CAPN5: variants seen among roughly 807,000 people sequenced by gnomAD.
The protein encoded by CAPN5 is calpain-5.
In CAPN5, 54 loss-of-function variants were observed where a neutral mutation model predicts 73.0. That is an observed-to-expected ratio of 0.74 (90% confidence interval 0.59 to 0.93). The LOEUF is 0.93. Ranked by LOEUF, CAPN5 falls within the 40% of genes least tolerant of loss-of-function variation. The probability of loss-of-function intolerance (pLI) is 0.00; values close to 1 mark genes in which losing one functional copy is unlikely to be tolerated. For missense variants in CAPN5, 785 were observed against 882.9 expected, an observed-to-expected ratio of 0.89 and a Z score of 1.41; for synonymous variants, 335 against 356.9, an observed-to-expected ratio of 0.94 and a Z score of 0.69.
intron 6 of CAPN5, 91 bp from the exon 7 acceptor site, chr11:77,116,135 C>A: frequency 3.4e-6 from 4 of 1,174,572 alleles, no homozygotes; most frequent in Admixed American, 2.0e-5. Flanking sequence ...TGCAAGACTG[C>A]CCCTCGTGCC....
Position 77,115,573 on chromosome 11 carries a change from G to A in CAPN5, c.878G>A (p.Gly293Glu). 2 of 1,609,454 alleles carry A rather than the reference G, an allele frequency of 1.2e-6. No individual in the cohort carries two copies. Among genetic ancestry groups the A allele is most frequent in the Non-Finnish European group, 1.7e-6 (2 of 1,177,528 alleles). The change falls in exon 6 of 13, where the codon GGG (glycine) becomes GAG (glutamate). Residue 293 changes from glycine (G) to glutamate (E), a missense_variant. Transcript: ENST00000648180. Reference sequence around the variant, plus strand: ...CCCTGGGGCGAGCGGGAGTGGAACGGGCCCTGGAGTGACACGTGAGGCCTG... The same window carrying A: ...CCCTGGGGCGAGCGGGAGTGGAACGAGCCCTGGAGTGACACGTGAGGCCTG... ...RNPWGEREWN[G>E]PWSDTSEEWQ...
rs781796639 is a variant in CAPN5, at chr11:77,123,787, G to C, written c.1840G>C (p.Asp614His). Residue 614 changes from aspartate (D) to histidine (H), a missense_variant, in exon 13 of 13, where the codon GAC becomes CAC. By Grantham distance (81) the Asp-to-His change is moderately conservative (BLOSUM62 -1). Coordinates refer to ENST00000648180, the MANE Select transcript of CAPN5 (RefSeq NM_004055.5). ...GGCCCTGCATACCCTCCACCTCCGG[G>C]ACCGAAATAGCCGGCAGCCCAGCAA... ...LQALHTLHLR[D>H]RNSRQPSNLP... The C allele has an allele frequency of 2.3e-5, 37 of 1,613,866 alleles. No individual in the cohort carries two copies. Among genetic ancestry groups the C allele is most frequent in the Non-Finnish European group, 3.0e-5 (35 of 1,180,014 alleles).
chr11:77,111,257 C>T (rs1950407550), intron 3 of CAPN5, among the ~76,000 whole-genome samples: 1 of 152,150 alleles, frequency 6.6e-6, no homozygotes, highest in East Asian at 1.9e-4. Context: ...ACCTGGTTGT[C>T]AGTGTCCAGC....
In CAPN5 at chr11:77,118,173, G is replaced by A. The variant is rs782459893; in HGVS notation, c.988G>A (p.Val330Met). 19 of 1,612,720 alleles carry A rather than the reference G, an allele frequency of 1.2e-5. No individual in the cohort carries two copies. The highest frequency in any genetic ancestry group is 4.5e-5 in the East Asian group (2 of 44,834). Residue 330 changes from valine (V) to methionine (M), a missense_variant, in exon 8 of 13, where the codon GTG becomes ATG. By Grantham distance (21) the Val-to-Met change is conservative. Coordinates refer to ENST00000648180, the MANE Select transcript of CAPN5 (RefSeq NM_004055.5). ...CACATCCAGGATGACCTTCGAGGAC[G>A]TGTGCCGGTACTTCACGGACATCAT... Reference protein sequence around the residue: ...DGEFWMTFEDVCRYFTDIIKC... With the variant: ...DGEFWMTFEDMCRYFTDIIKC...
rs782089468 is a variant in CAPN5, at chr11:77,118,248, G to C, written c.1063G>C (p.Glu355Gln). The C allele has an allele frequency of 6.2e-7, 1 of 1,614,162 alleles. No homozygotes were observed. Among genetic ancestry groups the C allele is most frequent in the South Asian group, 1.1e-5 (1 of 91,084 alleles). Residue 355 changes from glutamate to glutamine, a missense_variant, in exon 8 of 13, where the codon GAG (glutamate) becomes CAG (glutamine). Physicochemically the swap from Glu to Gln is conservative, Grantham distance 29. Transcript: ENST00000648180. ...TSHLSIHKTW[E>Q]EARLHGAWTL... ...CCACCTGAGCATCCACAAGACGTGG[G>C]AGGAGGCCCGGCTGCATGGCGCCTG...
chr11:77,072,622 G>A (rs1300364622), intron 1 of CAPN5, among the ~76,000 whole-genome samples: 2 of 152,200 alleles, frequency 1.3e-5, no homozygotes, highest in African/African-American at 4.8e-5. Context: ...TTTCCCCTCA[G>A]AGCCTCTGTC....
chr11:77,070,293 C>G (rs1264567368), intron 1 of CAPN5, among the ~76,000 whole-genome samples: 1 of 152,212 alleles, frequency 6.6e-6, no homozygotes, highest in East Asian at 1.9e-4. Context: ...CCACTGGTCC[C>G]CAGCTGCCCT....
chr11:77,115,612 A>G (rs782810668), intron 6 of CAPN5, 24 bp downstream of exon 6: 1 of 1,592,794 alleles, frequency 6.3e-7, no homozygotes, highest in Admixed American at 1.7e-5. Flanking sequence ...ATGGGGGTGC[A>G]GGCACAGGGC....
At chr11:77,071,781 GC>G in intron 1 of CAPN5, 1 of 397,330 alleles carries the variant, frequency 2.5e-6, no homozygotes, top group Non-Finnish European at 5.3e-6. Flanking sequence ...GGTTGCCATG[GC>G]CAGGAATAGG....
chr11:77,071,817 G>A (rs1278054573), intron 1 of CAPN5: 2 of 320,338 alleles, frequency 6.2e-6, no homozygotes, highest in African/African-American at 4.3e-5. Flanking sequence ...AGTGCAGTGG[G>A]CCTGGAAGTG....
chr11:77,118,242 A>T lies in CAPN5; in HGVS notation c.1057A>T (p.Thr353Ser). The T allele has an allele frequency of 1.2e-6, 2 of 1,614,100 alleles. No individual in the cohort carries two copies. Among genetic ancestry groups the T allele is most frequent in the Non-Finnish European group, 1.7e-6 (2 of 1,180,016 alleles). Residue 353 changes from threonine (T) to serine (S), a missense_variant, in exon 8 of 13, where the codon ACG becomes TCG. Coordinates refer to ENST00000648180, the MANE Select transcript of CAPN5 (RefSeq NM_004055.5). ...INTSHLSIHKTWEEARLHGAW... is the reference protein window; with the variant it reads ...INTSHLSIHKSWEEARLHGAW... Reference sequence around the variant, plus strand: ...CACATCCCACCTGAGCATCCACAAGACGTGGGAGGAGGCCCGGCTGCATGG... The same window carrying T: ...CACATCCCACCTGAGCATCCACAAGTCGTGGGAGGAGGCCCGGCTGCATGG...
At chr11:77,098,046 G>A (rs1591128324) in intron 3 of CAPN5, among the ~76,000 whole-genome samples, 2 of 89,960 alleles carry the variant, frequency 2.2e-5, no homozygotes, top group African/African-American at 6.0e-5. Context: ...AGTAGGGGCG[G>A]CCGGGCAGAG....
Position 77,088,136 on chromosome 11 carries a change from G to A in CAPN5, c.165+3085G>A, listed in dbSNP as rs1555035891. The A allele has an allele frequency of 5.6e-6, 8 of 1,433,444 alleles. No individual in the cohort carries two copies. In the East Asian group the frequency reaches 1.5e-4, roughly 27 times the overall value. The allele number at this position is 1,433,444 out of a possible 1,614,324, so 88.8% of individuals were successfully genotyped here. A position where few individuals can be genotyped will look rare whatever the true frequency, so the allele number is the denominator to read the frequency against. ...TGCTGTCTCTCCCACATCTGGGTATGAGCCTGGAGGTCCTTTGGTGGAATG... is the reference window on the plus strand; with the variant it reads ...TGCTGTCTCTCCCACATCTGGGTATAAGCCTGGAGGTCCTTTGGTGGAATG... On this transcript the variant is annotated intron_variant, in intron 2 of 12. Coordinates refer to ENST00000648180, the MANE Select transcript of CAPN5 (RefSeq NM_004055.5).
chr11:77,077,102 A>G (rs1949978932), intron 1 of CAPN5, among the ~76,000 whole-genome samples: 1 of 152,198 alleles, frequency 6.6e-6, no homozygotes, highest in Non-Finnish European at 1.5e-5. Flanking sequence ...CATGCCTGTA[A>G]TCCCAGCACT....
intron 1 of CAPN5, chr11:77,073,098 C>T (rs1253342167): frequency 2.2e-5 from 29 of 1,289,734 alleles, no homozygotes; most frequent in Non-Finnish European, 2.9e-5. Flanking sequence ...GCTGTCAGCA[C>T]TTTCTCTGCA....
intron 11 of CAPN5, 105 bp downstream of exon 11, chr11:77,122,154 A>G (rs2276030): frequency 0.096 from 62,474 of 649,706 alleles, 4,506 homozygotes; most frequent in African/African-American, 0.26. Context: ...TCTCAGAGGC[A>G]CTGCAGGCCT....
Position 77,120,798 on chromosome 11 carries a change from T to G in CAPN5, c.1376T>G (p.Leu459Arg). 6.2e-7 allele frequency: 1 copy of G among 1,614,126 alleles called. No individual in the cohort carries two copies. Among genetic ancestry groups the G allele is most frequent in the East Asian group, 2.2e-5 (1 of 44,882 alleles). ...TACATCAACTCACGCAGCGTCTTCC[T>G]GCGCACCGACCAGCCCGAGGGCCGC... The part of the protein sequence containing the change: ...SIYINSRSVF[L>R]RTDQPEGRYV... The change falls in exon 10 of 13, where the codon CTG becomes CGG. Residue 459 changes from leucine to arginine, a missense_variant. Transcript: ENST00000648180.
At chr11:77,120,578 A>C in intron 9 of CAPN5, 135 bp from the exon 10 acceptor site, 6 of 609,938 alleles carry the variant, frequency 9.8e-6, no homozygotes, top group Non-Finnish European at 1.7e-5. Flanking sequence ...TTCTGTTATT[A>C]TAGATTTGCC....
intron 2 of CAPN5, among the ~76,000 whole-genome samples, chr11:77,085,416 A>G (rs1238730032): frequency 6.6e-6 from 1 of 152,184 alleles, no homozygotes; most frequent in Non-Finnish European, 1.5e-5. Flanking sequence ...AAATGTAAGG[A>G]ATTTACTTTC....
Sources: gnomAD v4.1 joint callset for allele counts (sites outside exome capture counted in the v4.1 genomes callset) on GRCh38, gnomAD v4.1.1 for gene constraint, MANE v1.5 for transcripts, NCBI Gene and HGNC (gene_info 2026-07-23, HGNC 2026-07-21) for gene names.